Variants in SLC35E4 observed in about 807,000 individuals in gnomAD.
SLC35E4 encodes the protein solute carrier family 35 member E4.
Under a neutral mutation model 19.3 loss-of-function variants are expected in SLC35E4, and 15 were observed. The ratio of observed to expected loss-of-function variants is 0.78; its 90% CI spans 0.52 to 1.20. SLC35E4 has a LOEUF of 1.20. SLC35E4 is among the 50% of genes most tolerant of loss of function. The pLI, the probability that SLC35E4 is intolerant of heterozygous loss-of-function variation, is 0.00. For synonymous variants in SLC35E4, 219 were observed against 219.9 expected (o/e 1.00, Z 0.04); for missense variants, 406 against 472.3 (o/e 0.86, Z 1.30).
chr22:30,642,988 C>T (rs1421042816), intron 1 of SLC35E4, among the ~76,000 whole-genome samples: 2 of 150,724 alleles, frequency 1.3e-5, no homozygotes, highest in Non-Finnish European at 2.9e-5. Flanking sequence ...CCAGATAGCG[C>T]TACTACACTC....
At chr22:30,637,358 G>A (rs2087968256) in intron 1 of SLC35E4, among the ~76,000 whole-genome samples, 1 of 152,132 alleles carries the variant, frequency 6.6e-6, no homozygotes, top group Non-Finnish European at 1.5e-5. Context: ...GCTCAATACA[G>A]CCTCCGCATC....
At chr22:30,661,517 C>T (rs1405635289) in intron 2 of SLC35E4, 3 of 147,078 alleles carry the variant, frequency 2.0e-5, no homozygotes, top group African/African-American at 5.0e-5. Flanking sequence ...GGTGCAAGCT[C>T]GGCTCACTGC....
intron 1 of SLC35E4, among the ~76,000 whole-genome samples, chr22:30,643,029 CAAAA>C (rs67770321): frequency 2.5e-5 from 2 of 81,380 alleles, no homozygotes; most frequent in East Asian, 3.9e-4. Context: ...GACTCCGTCT[CAAAA>C]AAAAAAAAAA....
At chr22:30,641,618 T>A (rs2088038817) in intron 1 of SLC35E4, among the ~76,000 whole-genome samples, 1 of 151,760 alleles carries the variant, frequency 6.6e-6, no homozygotes, top group East Asian at 1.9e-4. Flanking sequence ...CAATCTCAGC[T>A]CATTGCAACC....
At chr22:30,659,123 C>CAAAAAAAA (rs35939188) in intron 2 of SLC35E4, among the ~76,000 whole-genome samples, 2 of 104,716 alleles carry the variant, frequency 1.9e-5, no homozygotes, top group Non-Finnish European at 1.8e-5. Context: ...GACTCCATCT[C>CAAAAAAAA]AAAAAAAAAA....
intron 1 of SLC35E4, among the ~76,000 whole-genome samples, chr22:30,637,389 T>C (rs567221095): frequency 1.3e-5 from 2 of 152,344 alleles, no homozygotes; most frequent in South Asian, 4.1e-4. Context: ...GTGATTCTTC[T>C]GCCTCAGCCT....
chr22:30,646,333 C>T (rs184929023), intron 1 of SLC35E4, among the ~76,000 whole-genome samples: 18 of 152,164 alleles, frequency 1.2e-4, no homozygotes, highest in Non-Finnish European at 1.9e-4. Flanking sequence ...TTATTATTAC[C>T]CAACTCTCCA....
chr22:30,652,046 T>C (rs935061241), downstream of SLC35E4: 4 of 152,170 alleles, frequency 2.6e-5, no homozygotes, highest in African/African-American at 9.7e-5. Context: ...ACACAGAGCC[T>C]GGTGTGCAGG....
intron 2 of SLC35E4, among the ~76,000 whole-genome samples, chr22:30,653,011 A>G (rs933889473): frequency 5.3e-5 from 8 of 152,192 alleles, no homozygotes; most frequent in African/African-American, 1.4e-4. Context: ...CTGGAGCCCT[A>G]TGAGGAATTA....
At chr22:30,667,154 C>G (rs2088703650), downstream of SLC35E4, 1 of 152,166 alleles carries the variant, frequency 6.6e-6, no homozygotes, top group Admixed American at 6.5e-5. Flanking sequence ...GCAACCTAAT[C>G]AGACCGGCGT....
At position 30,646,735 on chromosome 22, in the gene SLC35E4, C is replaced by G; in HGVS notation, c.757C>G (p.Arg253Gly). 3 of 1,613,412 alleles carry G rather than the reference C, an allele frequency of 1.9e-6. No homozygotes were observed. The highest frequency in any genetic ancestry group is 1.7e-6 in the Non-Finnish European group (2 of 1,179,866). ...VAPPPTAGDS[R>G]LWACILLSCL... ...CCCACCGCCCACTGCTGGCGACTCT[C>G]GCCTCTGGGCCTGCATCCTGCTCAG... The change falls in exon 2 of 2, where the codon CGC becomes GGC. Residue 253 changes from arginine (R) to glycine (G), a missense_variant. Coordinates refer to ENST00000343605, the MANE Select transcript of SLC35E4 (RefSeq NM_001001479.4).
Position 30,636,499 on chromosome 22 carries a change from G to A in SLC35E4, c.49G>A (p.Glu17Lys). The A allele has an allele frequency of 6.5e-7, 1 of 1,535,228 alleles. No individual in the cohort carries two copies. The highest frequency in any genetic ancestry group is 8.8e-7 in the Non-Finnish European group (1 of 1,136,438). The change falls in exon 1 of 2, where the codon GAA becomes AAA. Residue 17 changes from glutamate to lysine, a missense_variant. Transcript: ENST00000343605. ...CCATGATGGCAGGATGACCTCAGCC[G>A]AAGTAGGAGCAGCAGCTGGTGGTGC... is the stretch of plus-strand genomic sequence containing the variant. ...EHHDGRMTSA[E>K]VGAAAGGAQA... is the part of the protein sequence containing the mutation.
At chr22:30,646,273 C>T (rs935334332) in intron 1 of SLC35E4, among the ~76,000 whole-genome samples, 1 of 152,174 alleles carries the variant, frequency 6.6e-6, no homozygotes, top group African/African-American at 2.4e-5. Context: ...CATTTAAGGG[C>T]TTTATGTATG....
downstream of SLC35E4, among the ~76,000 whole-genome samples, chr22:30,666,621 C>CAAAAAAAAAAAAA (rs55979351): frequency 9.6e-5 from 6 of 62,496 alleles, no homozygotes; most frequent in Admixed American, 2.6e-4. Flanking sequence ...GACTCCATCT[C>CAAAAAAAAAAAAA]AAAAAAAAAA....
At chr22:30,658,898 A>G (rs901585829) in intron 2 of SLC35E4, among the ~76,000 whole-genome samples, 7 of 152,110 alleles carry the variant, frequency 4.6e-5, no homozygotes, top group African/African-American at 1.7e-4. Flanking sequence ...TAATCCCAGC[A>G]CTTTGGGAGG....
downstream of SLC35E4, chr22:30,664,925 C>T (rs1407909841): frequency 6.6e-6 from 1 of 152,558 alleles, no homozygotes; most frequent in Non-Finnish European, 1.5e-5. Context: ...TGAAACACAC[C>T]CCAGGGAGAG....
At chr22:30,649,283 C>T (rs1482760948), downstream of SLC35E4, 2 of 716,050 alleles carry the variant, frequency 2.8e-6, no homozygotes, top group East Asian at 5.4e-5. Flanking sequence ...CTGCTTTTAT[C>T]TTGGGGTATT....
At chr22:30,651,415 ATATATATATATATTTTTTTTTTTTTTT>A (rs1295156699), downstream of SLC35E4, among the ~76,000 whole-genome samples, 3 of 67,208 alleles carry the variant, frequency 4.5e-5, no homozygotes, top group Non-Finnish European at 7.5e-5. Flanking sequence ...ATATATATAT[ATATATATATATATTTTTTTTTTTTTTT>A]TTTTTTTTTT....
rs1030015081 is a variant in SLC35E4 at position 30,637,024 on chromosome 22, C to T, written c.574C>T (p.Leu192=). The T allele has an allele frequency of 1.4e-5, 22 of 1,592,614 alleles. No individual in the cohort carries two copies. Among genetic ancestry groups the T allele is most frequent in the Non-Finnish European group, 1.7e-5 (20 of 1,166,198 alleles). The change falls in exon 1 of 2, where the codon CTG becomes TTG. Residue 192 remains leucine, a synonymous_variant. Transcript: ENST00000343605. ...GACACCCCCTACCGGCTGTGGCTTC[C>T]TGCTCGCAGCCACCTGCCTCCGCGG... The part of the protein sequence containing the change: ...FRTPPTGCGF[L]LAATCLRGLK...
Sources: allele counts gnomAD v4.1 joint callset (sites outside exome capture counted in the v4.1 genomes callset), GRCh38; gene constraint gnomAD v4.1.1; transcripts MANE v1.5; gene names NCBI Gene and HGNC (gene_info 2026-07-23, HGNC 2026-07-21).